ZNF354C: variants seen among roughly 807,000 people sequenced by gnomAD.
ZNF354C encodes KRAB-zinc finger protein synten.
ZNF354C carries 7 observed loss-of-function variants against 12.4 expected under a neutral mutation model. That is an observed-to-expected ratio of 0.56 (90% CI 0.32 to 1.06). ZNF354C has a LOEUF of 1.06. ZNF354C is among the 50% of genes least tolerant of loss of function. ZNF354C has a pLI of 0.04. For missense variants in ZNF354C, 609 were observed against 658.0 expected, an observed-to-expected ratio of 0.93 and a Z score of 0.81; for synonymous variants, 202 against 224.5, an observed-to-expected ratio of 0.90 and a Z score of 0.90.
intron 2 of ZNF354C, among the ~76,000 whole-genome samples, chr5:179,068,721 G>A (rs35689475): frequency 0.015 from 2,235 of 151,924 alleles, 44 homozygotes; most frequent in African/African-American, 0.049. Flanking sequence ...CCTGTTAACA[G>A]CAACACGGAG....
intron 2 of ZNF354C, 35 bp from the exon 3 acceptor site, chr5:179,076,410 G>A: frequency 6.2e-7 from 1 of 1,613,898 alleles, no homozygotes; most frequent in Non-Finnish European, 8.5e-7. Flanking sequence ...GAAGAAGATG[G>A]TCCTGGGTGA....
chr5:179,062,508 C>T (rs967341702), intron 2 of ZNF354C, among the ~76,000 whole-genome samples: 3 of 152,118 alleles, frequency 2.0e-5, no homozygotes, highest in South Asian at 2.1e-4. Flanking sequence ...GTGCAGCACA[C>T]GGGATGGAAA....
rs374746629 is a variant in ZNF354C at position 179,078,878 on chromosome 5, C to T, written c.446C>T (p.Ser149Leu). 6.4e-5 allele frequency: 103 copies of T among 1,613,862 alleles called. No homozygotes were observed. Among genetic ancestry groups the T allele is most frequent in the African/African-American group, 4.0e-4 (30 of 74,920 alleles). ...AAACCTCTTAGACAAATGATAGATT[C>T]GCATGAGAAAACCATCAGTGAAGAT... ...EKKPLRQMID[S>L]HEKTISEDGN... The change falls in exon 5 of 5, where the codon TCG becomes TTG. Residue 149 changes from serine (S) to leucine (L), a missense_variant. Transcript: ENST00000315475.
At chr5:179,066,093 T>C (rs1761955286) in intron 2 of ZNF354C, among the ~76,000 whole-genome samples, 1 of 152,244 alleles carries the variant, frequency 6.6e-6, no homozygotes, top group Admixed American at 6.5e-5. Flanking sequence ...TCTCTCCATT[T>C]ATTTATTTAT....
rs188441246 is a variant in ZNF354C, at chr5:179,064,264, C to G, written c.27+2169C>G. Among the ~76,000 whole-genome samples, 440 of 152,080 alleles carry G rather than the reference C, an allele frequency of 2.9e-3. 1 individual carries two copies. Among genetic ancestry groups the G allele is most frequent in the Non-Finnish European group, 4.6e-3 (314 of 67,974 alleles). ...TGTTGTTGTTGCTTTTTTTTAGAGA[C>G]AGAGTTTTGCTCTGTCGCCCAGGCT... On this transcript the variant is annotated intron_variant, in intron 2 of 4. Transcript: ENST00000315475.
Position 179,060,866 on chromosome 5 carries a change from AG to A in ZNF354C, c.-55+203del, listed in dbSNP as rs1217032090. 2.0e-5 allele frequency among the ~76,000 whole-genome samples: 3 copies of A among 152,100 alleles called. No individual in the cohort carries two copies. Among genetic ancestry groups the A allele is most frequent in the African/African-American group, 7.2e-5 (3 of 41,402 alleles). ...ACTCCGCGCATCCCTGCTAACAGAT[AG>A]GGTGGCGGTACGCTGTTCCCGCTCT... On this transcript the variant is annotated intron_variant, in intron 1 of 4. Transcript: ENST00000315475. This position sits in a 1 kb window ranked among gnomAD's most constrained non-coding sequence, Gnocchi z 4.2.
Position 179,080,031 on chromosome 5 carries a change from C to A in ZNF354C, c.1599C>A (p.Phe533Leu). 1 of 1,611,250 alleles carries A rather than the reference C, an allele frequency of 6.2e-7. No individual in the cohort carries two copies. Among genetic ancestry groups the A allele is most frequent in the South Asian group, 1.1e-5 (1 of 90,432 alleles). The change falls in exon 5 of 5, where the codon TTC becomes TTA. Residue 533 changes from phenylalanine to leucine, a missense_variant. Physicochemically the swap from Phe to Leu is conservative, Grantham distance 22. Transcript: ENST00000315475. ...LYKWKEYGKPFICSSSLTQYQ... is the reference protein window; with the variant it reads ...LYKWKEYGKPLICSSSLTQYQ... ...AGTGGAAGGAATATGGGAAACCTTT[C>A]ATCTGCAGCTCCTCACTTACCCAGT...
intron 2 of ZNF354C, among the ~76,000 whole-genome samples, chr5:179,074,521 A>G (rs1479961590): frequency 1.3e-5 from 2 of 151,950 alleles, no homozygotes; most frequent in Admixed American, 1.3e-4. Flanking sequence ...ATTTGACAGG[A>G]CTTGCTTGAT....
chr5:179,068,166 T>TAAAAAAAAAAAA lies in ZNF354C; in HGVS notation c.27+6071_27+6072insAAAAAAAAAAAA, dbSNP rs1561748334. Among the ~76,000 whole-genome samples, 596 of 85,176 alleles carry TAAAAAAAAAAAA rather than the reference T, an allele frequency of 7.0e-3. 5 individuals carry two copies. The highest frequency in any genetic ancestry group is 0.017 in the African/African-American group (557 of 32,032). 55.9% of individuals were successfully genotyped at this position (85,176 alleles called of 152,430 possible). ...GGCAACAGAGTGAGACCCTGTCTGT[T>TAAAAAAAAAAAA]TAAAAAAAAAGATTTCTCTATGTGG... On this transcript the variant is annotated intron_variant, in intron 2 of 4. Coordinates refer to ENST00000315475, the MANE Select transcript of ZNF354C (RefSeq NM_014594.3).
chr5:179,075,119 T>A (rs908144067), intron 2 of ZNF354C, among the ~76,000 whole-genome samples: 9 of 151,436 alleles, frequency 5.9e-5, no homozygotes, highest in African/African-American at 2.2e-4. Context: ...ATTAGCCGGG[T>A]GTGGTGGTGG....
chr5:179,074,793 A>G (rs984115379), intron 2 of ZNF354C, among the ~76,000 whole-genome samples: 2 of 152,208 alleles, frequency 1.3e-5, no homozygotes, highest in African/African-American at 4.8e-5. Flanking sequence ...AATCTTTGTA[A>G]AACTATAGCA....
intron 2 of ZNF354C, among the ~76,000 whole-genome samples, chr5:179,070,120 G>A (rs114055262): frequency 0.012 from 1,812 of 152,252 alleles, 40 homozygotes; most frequent in African/African-American, 0.04. Context: ...GAGCTCTGCC[G>A]CCTGTCAGAT....
intron 2 of ZNF354C, among the ~76,000 whole-genome samples, chr5:179,063,528 C>G (rs1044416123): frequency 1.3e-5 from 2 of 152,242 alleles, no homozygotes; most frequent in African/African-American, 4.8e-5. Context: ...CCACTGCACT[C>G]CAGCCTGGGC....
intron 2 of ZNF354C, among the ~76,000 whole-genome samples, chr5:179,068,660 T>C (rs1454269177): frequency 6.6e-6 from 1 of 150,858 alleles, no homozygotes; most frequent in East Asian, 2.0e-4. Flanking sequence ...TTCTAAGGCC[T>C]AGGGGAACGG....
Position 179,071,194 on chromosome 5 carries a change from G to A in ZNF354C, c.28-5251G>A, listed in dbSNP as rs952547777. 2.0e-5 allele frequency among the ~76,000 whole-genome samples: 3 copies of A among 151,892 alleles called. No individual in the cohort carries two copies. The East Asian group carries it at 5.8e-4, about 29-fold the overall frequency. On this transcript the variant is annotated intron_variant, in intron 2 of 4. Coordinates refer to ENST00000315475, the MANE Select transcript of ZNF354C (RefSeq NM_014594.3). ...TGCCGGCAGGACTCCCTTAGTCACT[G>A]TGAAAAATGAAACACCCTCACACAT...
rs780735088 is a variant in ZNF354C, at chr5:179,078,773, C to T, written c.341C>T (p.Ser114Phe). The T allele has an allele frequency of 3.1e-6, 5 of 1,613,810 alleles. No individual in the cohort carries two copies. The highest frequency in any genetic ancestry group is 4.2e-6 in the Non-Finnish European group (5 of 1,179,960). The change falls in exon 5 of 5, where the codon TCC (serine) becomes TTC (phenylalanine). Residue 114 changes from serine to phenylalanine, a missense_variant. Physicochemically the swap from Ser to Phe is radical, Grantham distance 155 (BLOSUM62 -2). Transcript: ENST00000315475. ...ETSQGMVKKESIKDGHWDINF... is the reference protein window; with the variant it reads ...ETSQGMVKKEFIKDGHWDINF... Reference sequence around the variant, plus strand: ...TCTCAGGGAATGGTAAAGAAAGAATCCATTAAGGATGGTCACTGGGACATT... The same window carrying T: ...TCTCAGGGAATGGTAAAGAAAGAATTCATTAAGGATGGTCACTGGGACATT...
In ZNF354C at chr5:179,060,479, G is replaced by T. The variant is rs1472478693; in HGVS notation, c.-242G>T. The T allele has an allele frequency of 6.6e-6, 1 of 152,308 alleles. No homozygotes were observed. Among genetic ancestry groups the T allele is most frequent in the East Asian group, 1.9e-4 (1 of 5,188 alleles). The allele number at this position is 152,308 out of a possible 1,614,324, so 9.4% of individuals were successfully genotyped here. A position where few individuals can be genotyped will look rare whatever the true frequency, so the allele number is the denominator to read the frequency against. On this transcript the variant is annotated 5_prime_UTR_variant, in exon 1 of 5. Transcript: ENST00000315475. The surrounding 1 kb of genome is among the most constrained non-coding windows in gnomAD (Gnocchi z 4.2). ...CTAGGATTGCCGGCCTGGGGTTGAGGCGCTCGCAGTGGTCTCTTCCGGGCC... is the reference window on the plus strand; with the variant it reads ...CTAGGATTGCCGGCCTGGGGTTGAGTCGCTCGCAGTGGTCTCTTCCGGGCC...
At position 179,079,811 on chromosome 5, in the gene ZNF354C, G is replaced by A. The variant is rs558289051; in HGVS notation, c.1379G>A (p.Arg460Lys). 5.6e-6 allele frequency: 9 copies of A among 1,614,080 alleles called. No individual in the cohort carries two copies. The highest frequency in any genetic ancestry group is 5.5e-5 in the South Asian group (5 of 91,068). Residue 460 changes from arginine to lysine, a missense_variant, in exon 5 of 5, where the codon AGA (arginine) becomes AAA (lysine). Physicochemically the swap from Arg to Lys is conservative, Grantham distance 26. Coordinates refer to ENST00000315475, the MANE Select transcript of ZNF354C (RefSeq NM_014594.3). The surrounding 1 kb of genome is among the most constrained non-coding windows in gnomAD (Gnocchi z 4.2). ...AAATCTAACCTTTATAGGCATCAGA[G>A]AATTCATACTGGAGAGAAACCGTAT... ...GCKSNLYRHQ[R>K]IHTGEKPYQC...
intron 2 of ZNF354C, among the ~76,000 whole-genome samples, chr5:179,064,893 G>GA (rs1247040988): frequency 6.6e-6 from 1 of 151,360 alleles, no homozygotes; most frequent in East Asian, 1.9e-4. Context: ...ATATTTTTTG[G>GA]AAAAAAATAG....
Sources: gnomAD v4.1 joint callset for allele counts (sites outside exome capture counted in the v4.1 genomes callset) on GRCh38, gnomAD v4.1.1 for gene constraint, Gnocchi (gnomAD v3.1) non-coding constraint, MANE v1.5 for transcripts, NCBI Gene and HGNC (gene_info 2026-07-23, HGNC 2026-07-21) for gene names.